The following ARMH2 variants were observed in gnomAD, a reference collection of about 807,000 sequenced individuals.
The protein encoded by ARMH2 is armadillo like helical domain containing 2, also known as armadillo-like helical domain-containing protein 2.
A neutral mutation model predicts 9.0 loss-of-function variants in ARMH2; 5 were observed. The ratio of observed to expected loss-of-function variants is 0.56; its 90% CI spans 0.29 to 1.17. The LOEUF is 1.17. Ranked by LOEUF, ARMH2 falls within the 50% of genes most tolerant of loss-of-function variation. The pLI, the probability that ARMH2 is intolerant of heterozygous loss-of-function variation, is 0.08. For synonymous variants in ARMH2, 74 were observed against 93.1 expected, an observed-to-expected ratio of 0.79 and a Z score of 1.18; for missense variants, 236 against 268.3, an observed-to-expected ratio of 0.88 and a Z score of 0.84.
intron 1 of ARMH2, among the ~76,000 whole-genome samples, chr6:24,798,235 G>A (rs1158098138): frequency 2.0e-5 from 3 of 151,984 alleles, no homozygotes; most frequent in African/African-American, 7.3e-5. Flanking sequence ...TCCTACCTCA[G>A]CCTCTCGAGT....
Position 24,798,731 on chromosome 6 carries a change from CCTT to C in ARMH2, c.124_126del (p.Lys42del), listed in dbSNP as rs75474054. 53,008 of 1,533,344 alleles carry C rather than the reference CCTT, an allele frequency of 0.035. 1,047 individuals carry two copies. Among genetic ancestry groups the C allele is most frequent in the Non-Finnish European group, 0.038 (43,968 of 1,145,932 alleles). 95.0% of individuals were successfully genotyped at this position (1,533,344 alleles called of 1,614,324 possible). A position where few individuals can be genotyped will look rare whatever the true frequency, so the allele number is the denominator to read the frequency against. ...GTCTCAGCTGAAGGGATTTTTTTTT[CCTT>C]CTTCTTAACAAAAAAGCCCTTAACA... is the stretch of plus-strand genomic sequence containing the variant. On this transcript the variant is annotated inframe_deletion, in exon 1 of 2. Transcript: ENST00000565469.
In ARMH2 at chr6:24,798,596, T is replaced by C; in HGVS notation, c.262A>G (p.Thr88Ala). Residue 88 changes from threonine (T) to alanine (A), a missense_variant, in exon 1 of 2, where the codon ACA (threonine) becomes GCA (alanine). By Grantham distance (58) the Thr-to-Ala change is moderately conservative. Coordinates refer to ENST00000565469, the MANE Select transcript of ARMH2 (RefSeq NM_001282492.2). The stretch of plus-strand genomic sequence containing the variant: ...GCACAGCCATTTAGATCAGTACCTG[T>C]GAAGGCCAGCAGTCCAATTTTCTGG... ...AAQKIGLLAF[T>A]GGPPAGNFAA... 6.5e-7 allele frequency: 1 copy of C among 1,533,944 alleles called. No individual in the cohort carries two copies. Among genetic ancestry groups the C allele is most frequent in the Non-Finnish European group, 8.7e-7 (1 of 1,146,128 alleles).
Position 24,798,652 on chromosome 6 carries a change from G to C in ARMH2, c.206C>G (p.Ser69Cys). Residue 69 changes from serine (S) to cysteine (C), a missense_variant, in exon 1 of 2, where the codon TCT (serine) becomes TGT (cysteine). Ser to Cys is a moderately radical substitution (Grantham distance 112, BLOSUM62 -1). Coordinates refer to ENST00000565469, the MANE Select transcript of ARMH2 (RefSeq NM_001282492.2). ...TTGAGCTCTCTTCTCAATGGGTAGA[G>C]ATTCATTCATCAACACTTGGCCAAG... ...VVLGQVLMNE[S>C]LPIEKRAQAA... 3.9e-6 allele frequency: 6 copies of C among 1,535,378 alleles called. No homozygotes were observed. The highest frequency in any genetic ancestry group is 2.6e-6 in the Non-Finnish European group (3 of 1,146,718).
At chr6:24,798,268 C>A (rs932767191) in intron 1 of ARMH2, among the ~76,000 whole-genome samples, 2 of 152,100 alleles carry the variant, frequency 1.3e-5, no homozygotes, top group African/African-American at 4.8e-5. Flanking sequence ...AGGCATGCAC[C>A]ACCATGCCCA....
chr6:24,797,432 A>C lies in ARMH2; in HGVS notation c.671T>G (p.Leu224Arg). Reference protein sequence around the residue: ...TENFAEVLYFLIGFHRN With the variant: ...TENFAEVLYFRIGFHRN ...AAACTAATTCCTATGAAAACCAATT[A>C]GGAAATACAGCACCTCTGCAAAATT... is the stretch of plus-strand genomic sequence containing the variant. Residue 224 changes from leucine (L) to arginine (R), a missense_variant, in exon 2 of 2, where the codon CTA (leucine) becomes CGA (arginine). Transcript: ENST00000565469. The C allele has an allele frequency of 2.0e-6, 3 of 1,533,466 alleles. No individual in the cohort carries two copies. Among genetic ancestry groups the C allele is most frequent in the Non-Finnish European group, 2.6e-6 (3 of 1,145,158 alleles). 95.0% of individuals were successfully genotyped at this position (1,533,466 alleles called of 1,614,324 possible). A position where few individuals can be genotyped will look rare whatever the true frequency, so the allele number is the denominator to read the frequency against.
At chr6:24,797,962 T>C in intron 1 of ARMH2, 125 bp from the exon 2 acceptor site, 1 of 1,096,424 alleles carries the variant, frequency 9.1e-7, no homozygotes, top group Non-Finnish European at 1.3e-6. Context: ...CTTTGAATTT[T>C]CCTGTCGTTT....
In ARMH2 at chr6:24,797,575, G is replaced by GT; in HGVS notation, c.527dup (p.Tyr176Ter). The change falls in exon 2 of 2, where the codon TAC becomes TAAC. Residue 176 changes from tyrosine to a stop codon, truncating the protein, a stop_gained and frameshift_variant. Transcript: ENST00000565469. LOFTEE classifies it low-confidence loss of function (END_TRUNC). ...SYLLLKFWTC[Y>*]VLSVMTCNNL... Reference sequence around the variant, plus strand: ...TATTGCATGTCATGACAGAGAGAACGTAACAAGTCCAAAATTTAAGGAGGA... The same window carrying GT: ...TATTGCATGTCATGACAGAGAGAACGTTAACAAGTCCAAAATTTAAGGAGGA... 1 of 1,535,434 alleles carries GT rather than the reference G, an allele frequency of 6.5e-7. No homozygotes were observed. Among genetic ancestry groups the GT allele is most frequent in the Non-Finnish European group, 8.7e-7 (1 of 1,146,726 alleles).
chr6:24,797,767 C>G lies in ARMH2; in HGVS notation c.336G>C (p.Glu112Asp). 2 of 1,535,472 alleles carry G rather than the reference C, an allele frequency of 1.3e-6. No homozygotes were observed. Among genetic ancestry groups the G allele is most frequent in the South Asian group, 2.4e-5 (2 of 84,056 alleles). ...EEVAHLLQDE[E>D]LAPKIKILLL... ...GCAGGATCTTTATTTTTGGTGCCAA[C>G]TCCTCATCTTGCAACAAGTGAGCCA... Residue 112 changes from glutamate to aspartate, a missense_variant, in exon 2 of 2, where the codon GAG (glutamate) becomes GAC (aspartate). Transcript: ENST00000565469.
rs1171185537 is a variant in ARMH2 at position 24,797,818 on chromosome 6, G to A, written c.285C>T (p.Asn95=). ...LAFTGGPPAG[N]FAAEYMEEVA... ...CTTCTTCCATGTACTCAGCTGCAAA[G>A]TTCCCAGCAGGTGGTCCTCCTGTAA... is the stretch of plus-strand genomic sequence containing the variant. Residue 95 remains asparagine (N), a synonymous_variant, in exon 2 of 2, where the codon AAC becomes AAT. Coordinates refer to ENST00000565469, the MANE Select transcript of ARMH2 (RefSeq NM_001282492.2). The A allele has an allele frequency of 6.5e-7, 1 of 1,533,708 alleles. No homozygotes were observed. The highest frequency in any genetic ancestry group is 1.2e-5 in the South Asian group (1 of 83,690).
Sources: allele counts gnomAD v4.1 joint callset (sites outside exome capture counted in the v4.1 genomes callset), GRCh38; gene constraint gnomAD v4.1.1; transcripts MANE v1.5; gene names NCBI Gene and HGNC (gene_info 2026-07-23, HGNC 2026-07-21).